POU2F2: variants seen among roughly 807,000 people sequenced by gnomAD.
POU2F2 encodes the protein POU domain, class 2, transcription factor 2.
POU2F2 carries 14 observed loss-of-function variants against 63.5 expected under a neutral mutation model. The observed-to-expected ratio is 0.22, with a 90% CI of 0.15 to 0.34. The LOEUF (loss-of-function observed/expected upper bound fraction) is 0.34. POU2F2 is among the 10% of genes least tolerant of loss of function. The pLI is 1.00. For synonymous variants in POU2F2, 306 were observed against 348.6 expected, an observed-to-expected ratio of 0.88 and a Z score of 1.36; for missense variants, 607 against 815.2, an observed-to-expected ratio of 0.74 and a Z score of 3.11.
At chr19:42,143,871 G>A (rs1178092814) in intron 2 of POU2F2, among the ~76,000 whole-genome samples, 2 of 151,980 alleles carry the variant, frequency 1.3e-5, no homozygotes, top group Non-Finnish European at 2.9e-5. Context: ...TTGACATCCT[G>A]TCTCACATGG....
At chr19:42,136,051 C>A (rs1458753805), upstream of POU2F2, among the ~76,000 whole-genome samples, 1 of 152,058 alleles carries the variant, frequency 6.6e-6, no homozygotes, top group African/African-American at 2.4e-5. Flanking sequence ...CGAAGTGCCC[C>A]TTTGCTTCTC....
At chr19:42,109,454 CTA>C (rs769817200) in intron 5 of POU2F2, among the ~76,000 whole-genome samples, 7 of 152,132 alleles carry the variant, frequency 4.6e-5, no homozygotes, top group Non-Finnish European at 8.8e-5. Flanking sequence ...GGTCTGGGAA[CTA>C]TGTAAACTAT....
intron 1 of POU2F2, among the ~76,000 whole-genome samples, chr19:42,196,102 G>A (rs1236830265): frequency 1.3e-5 from 2 of 152,024 alleles, no homozygotes; most frequent in African/African-American, 2.4e-5. Flanking sequence ...GTGGTGATTC[G>A]TAGCAGAAAG....
intron 11 of POU2F2, among the ~76,000 whole-genome samples, chr19:42,094,204 C>G (rs1345344484): frequency 6.6e-6 from 1 of 152,144 alleles, no homozygotes; most frequent in Non-Finnish European, 1.5e-5. Flanking sequence ...TCCACATGCT[C>G]CTGATATTGT....
At chr19:42,106,761 AAGAAGGAGGAAGAGG>A (rs1272588832) in intron 5 of POU2F2, among the ~76,000 whole-genome samples, 43 of 149,774 alleles carry the variant, frequency 2.9e-4, no homozygotes, top group Admixed American at 2.2e-3. Context: ...AGAAAAAAAC[AAGAAGGAGGAAGAGG>A]AGAAGGAGGA....
chr19:42,107,593 A>G (rs181016614), intron 5 of POU2F2, among the ~76,000 whole-genome samples: 1 of 152,320 alleles, frequency 6.6e-6, no homozygotes, highest in East Asian at 1.9e-4. Context: ...AAGTCTCAGT[A>G]CCGCTAATAC....
At chr19:42,145,107 C>T (rs2034204305) in intron 2 of POU2F2, among the ~76,000 whole-genome samples, 1 of 152,248 alleles carries the variant, frequency 6.6e-6, no homozygotes, top group South Asian at 2.1e-4. Context: ...AGTTGAATGA[C>T]ACTGCCAGAC....
rs369381206 is a variant in POU2F2 at position 42,095,639 on chromosome 19, C to T, written c.926G>A (p.Ser309Asn). 3 of 1,613,204 alleles carry T rather than the reference C, an allele frequency of 1.9e-6. No homozygotes were observed. The highest frequency in any genetic ancestry group is 2.5e-6 in the Non-Finnish European group (3 of 1,179,872). ...LPSPNQLSSP[S>N]LGFDGLPGRR... Reference sequence around the variant, plus strand: ...GCCGGGCAGGCCGTCGAAACCCAGGCTGGGGCTGCTCAGCTGGTTGGGGCT... The same window carrying T: ...GCCGGGCAGGCCGTCGAAACCCAGGTTGGGGCTGCTCAGCTGGTTGGGGCT... The change falls in exon 10 of 15, where the codon AGC becomes AAC. Residue 309 changes from serine (S) to asparagine (N), a missense_variant. Physicochemically the swap from Ser to Asn is conservative, Grantham distance 46. Transcript: ENST00000692977. This position sits in a 1 kb window ranked among gnomAD's most constrained non-coding sequence, Gnocchi z 7.1.
chr19:42,163,111 C>T (rs1183632936), intron 1 of POU2F2, among the ~76,000 whole-genome samples: 5 of 152,106 alleles, frequency 3.3e-5, no homozygotes, highest in Admixed American at 6.5e-5. Flanking sequence ...ATGGGACATA[C>T]AGCAAACAAG....
At chr19:42,104,625 G>A (rs1232805101) in intron 5 of POU2F2, among the ~76,000 whole-genome samples, 2 of 152,140 alleles carry the variant, frequency 1.3e-5, no homozygotes, top group Non-Finnish European at 1.5e-5. Flanking sequence ...CAGAGGGTAT[G>A]AGGTGGTACT....
At chr19:42,093,770 G>T in intron 12 of POU2F2, 59 bp downstream of exon 12, 1 of 1,541,368 alleles carries the variant, frequency 6.5e-7, no homozygotes, top group Non-Finnish European at 8.9e-7. Context: ...GGGAACCTCA[G>T]GCTCCAGCCT....
At chr19:42,146,612 C>T (rs1431654314) in intron 2 of POU2F2, among the ~76,000 whole-genome samples, 1 of 151,904 alleles carries the variant, frequency 6.6e-6, no homozygotes, top group East Asian at 1.9e-4. Context: ...CTCCCTACAC[C>T]ACCTTACTCA....
intron 2 of POU2F2, among the ~76,000 whole-genome samples, chr19:42,158,612 C>T (rs553843164): frequency 6.6e-6 from 1 of 152,104 alleles, no homozygotes; most frequent in South Asian, 2.1e-4. Flanking sequence ...CAAAGGTGGC[C>T]CCTAATAAAT....
intron 1 of POU2F2, among the ~76,000 whole-genome samples, chr19:42,182,369 G>C (rs759950127): frequency 6.6e-6 from 1 of 151,976 alleles, no homozygotes; most frequent in African/African-American, 2.4e-5. Flanking sequence ...GCAAGGAAGA[G>C]AACAAGGACA....
chr19:42,090,400 A>C lies in POU2F2; in HGVS notation c.*857T>G, dbSNP rs973280585. 2.0e-5 allele frequency: 3 copies of C among 152,432 alleles called. No individual in the cohort carries two copies. The highest frequency in any genetic ancestry group is 7.3e-5 in the African/African-American group (3 of 41,356). The allele number at this position is 152,432 out of a possible 1,614,324, so 9.4% of individuals were successfully genotyped here. A position where few individuals can be genotyped will look rare whatever the true frequency, so the allele number is the denominator to read the frequency against. ...AGAACTTGGCAAAATGGCCTAGCCC[A>C]CCCTTCAAAGGGGAAAAGAGGGAGG... On this transcript the variant is annotated 3_prime_UTR_variant, in exon 15 of 15. Transcript: ENST00000692977. This position sits in a 1 kb window ranked among gnomAD's most constrained non-coding sequence, Gnocchi z 4.4.
upstream of POU2F2, among the ~76,000 whole-genome samples, chr19:42,136,291 C>T (rs907016046): frequency 1.3e-5 from 2 of 150,874 alleles, no homozygotes; most frequent in Non-Finnish European, 2.9e-5. Context: ...CTCATGCCAT[C>T]CTCCCACCTC....
At chr19:42,167,712 T>G (rs1250137871) in intron 1 of POU2F2, among the ~76,000 whole-genome samples, 1 of 151,964 alleles carries the variant, frequency 6.6e-6, no homozygotes, top group African/African-American at 2.4e-5. Context: ...GTTCTAAGTG[T>G]GATGGGAGAA....
chr19:42,173,183 A>C (rs1006319728), intron 1 of POU2F2, among the ~76,000 whole-genome samples: 7 of 152,208 alleles, frequency 4.6e-5, no homozygotes, highest in Non-Finnish European at 8.8e-5. Context: ...CCATCTGAGG[A>C]GGCCTTACAC....
At chr19:42,193,641 C>G (rs1028733776) in intron 1 of POU2F2, among the ~76,000 whole-genome samples, 1 of 152,190 alleles carries the variant, frequency 6.6e-6, no homozygotes, top group Admixed American at 6.5e-5. Context: ...TGAGAAAATA[C>G]ATTTATATTG....
Sources: allele counts gnomAD v4.1 joint callset (sites outside exome capture counted in the v4.1 genomes callset), GRCh38; gene constraint gnomAD v4.1.1; non-coding constraint Gnocchi (gnomAD v3.1); transcripts MANE v1.5; gene names NCBI Gene and HGNC (gene_info 2026-07-23, HGNC 2026-07-21).